Variants in RANBP17 observed in about 807,000 individuals in gnomAD.
The protein encoded by RANBP17 is ran-binding protein 17.
A neutral mutation model predicts 141.2 loss-of-function variants in RANBP17; 158 were observed. That is an observed-to-expected ratio of 1.12 (90% CI 0.98 to 1.28). The LOEUF is 1.28. Among genes scored for constraint, RANBP17 ranks in the 50% most tolerant of loss-of-function variants. The pLI, the probability that RANBP17 is intolerant of heterozygous loss-of-function variation, is 0.00. For synonymous variants in RANBP17, 430 were observed against 450.0 expected (o/e 0.96, Z 0.56); for missense variants, 1,438 against 1,290.7 (o/e 1.11, Z -1.75).
At chr5:171,012,067 C>CAAATAATATATTT (rs1780087300) in intron 14 of RANBP17, among the ~76,000 whole-genome samples, 1 of 92,920 alleles carries the variant, frequency 1.1e-5, no homozygotes, top group African/African-American at 3.0e-5. Context: ...TTTGTTTAAA[C>CAAATAATATATTT]GAATATATTG....
intron 20 of RANBP17, among the ~76,000 whole-genome samples, chr5:171,210,339 T>G (rs1451576289): frequency 1.3e-5 from 2 of 152,168 alleles, no homozygotes; most frequent in African/African-American, 4.8e-5. Flanking sequence ...GTCACCTCTG[T>G]CAGAAGCATA....
chr5:171,020,214 C>G (rs10076381), intron 14 of RANBP17, among the ~76,000 whole-genome samples: 92,961 of 152,002 alleles, frequency 0.61, 29,786 homozygotes, highest in South Asian at 0.88. Flanking sequence ...GAGTAAGTGC[C>G]TTGTGTCACT....
At chr5:170,893,510 T>C (rs1159585740) in intron 4 of RANBP17, among the ~76,000 whole-genome samples, 1 of 152,194 alleles carries the variant, frequency 6.6e-6, no homozygotes, top group Non-Finnish European at 1.5e-5. Context: ...AAACATGATC[T>C]GGACTGGGCG....
intron 14 of RANBP17, among the ~76,000 whole-genome samples, chr5:171,142,333 A>T (rs1358828137): frequency 6.6e-6 from 1 of 152,194 alleles, no homozygotes; most frequent in Non-Finnish European, 1.5e-5. Flanking sequence ...ATTGAAGAAA[A>T]AAATATTGTT....
chr5:171,185,718 C>G (rs1761189364), intron 18 of RANBP17, among the ~76,000 whole-genome samples: 2 of 152,304 alleles, frequency 1.3e-5, no homozygotes, highest in African/African-American at 4.8e-5. Context: ...ACTTCCTGCC[C>G]TGAAGTCTTG....
rs1491179008 is a variant in RANBP17, at chr5:171,277,667, ATT to A, written c.2943+11822_2943+11823del. ...TATATATATATATATATATATATAT[ATT>A]TATGTCTTACAGCTCTGTGAGGTAG... is the stretch of plus-strand genomic sequence containing the variant. On this transcript the variant is annotated intron_variant, in intron 25 of 27. Coordinates refer to ENST00000523189, the MANE Select transcript of RANBP17 (RefSeq NM_022897.5). 4.5e-4 allele frequency among the ~76,000 whole-genome samples: 61 copies of A among 136,648 alleles called. 2 individuals carry two copies. Among genetic ancestry groups the A allele is most frequent in the African/African-American group, 1.5e-3 (54 of 36,722 alleles). The allele number at this position is 136,648 out of a possible 152,430, so 89.6% of individuals were successfully genotyped here.
intron 14 of RANBP17, among the ~76,000 whole-genome samples, chr5:171,030,413 C>G (rs1421731468): frequency 6.6e-6 from 1 of 151,884 alleles, no homozygotes; most frequent in Non-Finnish European, 1.5e-5. Context: ...CCCTGTGTTT[C>G]TATCTCGTTA....
chr5:170,945,878 G>C (rs1021920709), intron 12 of RANBP17, among the ~76,000 whole-genome samples: 2 of 152,142 alleles, frequency 1.3e-5, no homozygotes, highest in Admixed American at 1.3e-4. Flanking sequence ...AGTCTCATCT[G>C]TGATAAAGAC....
At chr5:171,125,631 A>G (rs1756395971) in intron 14 of RANBP17, among the ~76,000 whole-genome samples, 1 of 152,202 alleles carries the variant, frequency 6.6e-6, no homozygotes, top group Non-Finnish European at 1.5e-5. Flanking sequence ...AAATCCACAA[A>G]GAAACATTGG....
At chr5:171,063,935 C>T (rs187242494) in intron 14 of RANBP17, among the ~76,000 whole-genome samples, 378 of 152,334 alleles carry the variant, frequency 2.5e-3, no homozygotes, top group African/African-American at 8.3e-3. Flanking sequence ...TAGCAGTCAG[C>T]GAGACTCCGT....
intron 3 of RANBP17, among the ~76,000 whole-genome samples, chr5:170,887,594 C>T (rs936171499): frequency 6.6e-6 from 1 of 152,154 alleles, no homozygotes; most frequent in African/African-American, 2.4e-5. Context: ...CCCTTTGCTC[C>T]TTTGTCAGAG....
chr5:171,109,633 A>C (rs956683138), intron 14 of RANBP17, among the ~76,000 whole-genome samples: 2 of 152,224 alleles, frequency 1.3e-5, no homozygotes, highest in Non-Finnish European at 2.9e-5. Flanking sequence ...TAAATTATTT[A>C]TAATAACTAA....
Position 171,183,306 on chromosome 5 carries a change from C to G in RANBP17, c.1930-16C>G. On this transcript the variant is annotated splice_polypyrimidine_tract_variant and intron_variant, in intron 17 of 27. Coordinates refer to ENST00000523189, the MANE Select transcript of RANBP17 (RefSeq NM_022897.5). The stretch of plus-strand genomic sequence containing the variant: ...TAAAGTGTTAGTAACTTGGATTACT[C>G]TTTTGCTTTCATTAGAGTGAACACT... The G allele has an allele frequency of 6.2e-7, 1 of 1,604,186 alleles. No individual in the cohort carries two copies. Among genetic ancestry groups the G allele is most frequent in the Non-Finnish European group, 8.5e-7 (1 of 1,171,042 alleles).
At chr5:170,890,649 TGGAAATGGA>T in intron 3 of RANBP17, among the ~76,000 whole-genome samples, 1 of 152,174 alleles carries the variant, frequency 6.6e-6, no homozygotes, top group Non-Finnish European at 1.5e-5. Flanking sequence ...CAGGCCAAAG[TGGAAATGGA>T]GTTTTTTCTC....
At chr5:170,909,841 A>T (rs931012820) in intron 6 of RANBP17, 76 bp downstream of exon 6, 4 of 806,156 alleles carry the variant, frequency 5.0e-6, no homozygotes, top group African/African-American at 1.7e-5. Flanking sequence ...ATTTCAGTTG[A>T]ATTTTCCCCC....
At chr5:170,998,467 C>T (rs1778982852) in intron 14 of RANBP17, among the ~76,000 whole-genome samples, 1 of 152,166 alleles carries the variant, frequency 6.6e-6, no homozygotes, top group Admixed American at 6.6e-5. Context: ...TTAGACTCTA[C>T]ATTGTCACAG....
At chr5:171,203,987 G>C (rs1386474010) in intron 19 of RANBP17, among the ~76,000 whole-genome samples, 1 of 152,102 alleles carries the variant, frequency 6.6e-6, no homozygotes, top group African/African-American at 2.4e-5. Context: ...GCTTCCAGGA[G>C]TGTGAAAAGC....
intron 14 of RANBP17, among the ~76,000 whole-genome samples, chr5:171,120,797 C>T (rs1463137396): frequency 6.6e-6 from 1 of 151,984 alleles, no homozygotes; most frequent in African/African-American, 2.4e-5. Flanking sequence ...TTTGGTGTGT[C>T]CCTAGGTTGA....
chr5:171,067,475 A>G (rs748350856), intron 14 of RANBP17, among the ~76,000 whole-genome samples: 1 of 152,098 alleles, frequency 6.6e-6, no homozygotes, highest in Non-Finnish European at 1.5e-5. Flanking sequence ...AGAGATCTCT[A>G]TTTCTCTGTA....
Sources: gnomAD v4.1 joint callset for allele counts (sites outside exome capture counted in the v4.1 genomes callset) on GRCh38, gnomAD v4.1.1 for gene constraint, MANE v1.5 for transcripts, NCBI Gene and HGNC (gene_info 2026-07-23, HGNC 2026-07-21) for gene names.